Variants in VOPP1 observed in about 807,000 individuals in gnomAD.
VOPP1 encodes the protein WW domain binding protein VOPP1.
In VOPP1, 8 loss-of-function variants were observed where a neutral mutation model predicts 23.5. The ratio of observed to expected loss-of-function variants is 0.34; its 90% CI spans 0.20 to 0.61. The LOEUF is 0.61. VOPP1 is among the 20% of genes least tolerant of loss of function. The pLI is 0.78. For missense variants in VOPP1, 174 were observed against 238.1 expected, an observed-to-expected ratio of 0.73 and a Z score of 1.77; for synonymous variants, 83 against 97.3, an observed-to-expected ratio of 0.85 and a Z score of 0.86.
intron 4 of VOPP1, among the ~76,000 whole-genome samples, chr7:55,489,646 T>C (rs1793419661): frequency 6.6e-6 from 1 of 152,060 alleles, no homozygotes; most frequent in Non-Finnish European, 1.5e-5. Flanking sequence ...AGGTGTGCAG[T>C]AAATATGGGC....
chr7:55,494,160 A>C (rs1793780559), intron 3 of VOPP1, among the ~76,000 whole-genome samples: 1 of 152,190 alleles, frequency 6.6e-6, no homozygotes, highest in Non-Finnish European at 1.5e-5. Flanking sequence ...TGGTGATGTA[A>C]GGCTTAATGT....
intron 4 of VOPP1, among the ~76,000 whole-genome samples, chr7:55,461,202 A>C (rs1213640476): frequency 2.0e-5 from 3 of 152,134 alleles, no homozygotes; most frequent in Admixed American, 6.5e-5. Flanking sequence ...GAAAGGCATA[A>C]GAATGACACA....
chr7:55,517,926 T>C (rs1795574736), intron 2 of VOPP1, among the ~76,000 whole-genome samples: 2 of 152,176 alleles, frequency 1.3e-5, no homozygotes, highest in Non-Finnish European at 2.9e-5. Flanking sequence ...AGCCACCCCA[T>C]GTGTGCTGGC....
intron 2 of VOPP1, among the ~76,000 whole-genome samples, chr7:55,512,704 C>A (rs1013950080): frequency 6.6e-6 from 1 of 152,238 alleles, no homozygotes; most frequent in African/African-American, 2.4e-5. Flanking sequence ...GCTAGGGAAG[C>A]GCCCCCGCCC....
intron 2 of VOPP1, 72 bp downstream of exon 2, chr7:55,521,000 A>G: frequency 6.6e-7 from 1 of 1,504,232 alleles, no homozygotes; most frequent in Non-Finnish European, 9.0e-7. Flanking sequence ...CCACACCCAG[A>G]ACTTTAGCAA....
intron 2 of VOPP1, chr7:55,515,837 C>T (rs532642033): frequency 2.6e-6 from 1 of 382,606 alleles, no homozygotes; most frequent in East Asian, 1.6e-4. Flanking sequence ...TCTTCTCTGA[C>T]AAACGCCACC....
intron 4 of VOPP1, among the ~76,000 whole-genome samples, chr7:55,486,188 A>C (rs118147814): frequency 6.6e-6 from 1 of 152,262 alleles, no homozygotes; most frequent in African/African-American, 2.4e-5. Context: ...ATCAAAGATC[A>C]TAGATGTGCA....
intron 1 of VOPP1, among the ~76,000 whole-genome samples, chr7:55,547,076 T>C (rs571549141): frequency 2.0e-4 from 30 of 152,318 alleles, no homozygotes; most frequent in African/African-American, 6.5e-4. Context: ...CCCTCTGACC[T>C]GGATTTTAGC....
intron 1 of VOPP1, among the ~76,000 whole-genome samples, chr7:55,536,801 T>C (rs576834688): frequency 6.6e-6 from 1 of 152,234 alleles, no homozygotes; most frequent in South Asian, 2.1e-4. Flanking sequence ...AGGCAGCGCA[T>C]CTGCCACACG....
chr7:55,504,327 T>C (rs1448810761), intron 2 of VOPP1, among the ~76,000 whole-genome samples: 1 of 152,222 alleles, frequency 6.6e-6, no homozygotes, highest in Non-Finnish European at 1.5e-5. Flanking sequence ...AGGAAGTACA[T>C]TCAGGCTTAT....
At chr7:55,502,026 T>C (rs905219944) in intron 2 of VOPP1, among the ~76,000 whole-genome samples, 3 of 152,268 alleles carry the variant, frequency 2.0e-5, no homozygotes, top group Non-Finnish European at 4.4e-5. Flanking sequence ...AAAGCAGGTA[T>C]ACACTAATAA....
intron 1 of VOPP1, among the ~76,000 whole-genome samples, chr7:55,527,945 GAA>G (rs10710791): frequency 2.6e-5 from 4 of 151,378 alleles, no homozygotes; most frequent in African/African-American, 9.7e-5. Context: ...GAGCATAAGG[GAA>G]AAAAAAAATC....
In VOPP1 at chr7:55,560,058, C is replaced by G. The variant is rs1055038480; in HGVS notation, c.54+12213G>C. ...GTCCCCGCTACTTGGGAGGCTGAGGCGGGAGAATCACTTGAACCTGGGAGG... is the reference window on the plus strand; with the variant it reads ...GTCCCCGCTACTTGGGAGGCTGAGGGGGGAGAATCACTTGAACCTGGGAGG... On this transcript the variant is annotated intron_variant, in intron 1 of 4. Coordinates refer to ENST00000285279, the MANE Select transcript of VOPP1 (RefSeq NM_030796.5). Among the ~76,000 whole-genome samples, 5 of 152,278 alleles carry G rather than the reference C, an allele frequency of 3.3e-5. No homozygotes were observed. The South Asian group carries it at 1.0e-3, about 32-fold the overall frequency.
chr7:55,494,554 G>A (rs1017594792), intron 3 of VOPP1, among the ~76,000 whole-genome samples: 3 of 152,100 alleles, frequency 2.0e-5, no homozygotes, highest in Admixed American at 6.6e-5. Flanking sequence ...AGGCGAGGCT[G>A]GAATGGAGTT....
At chr7:55,443,094 G>A (rs578246628) in intron 4 of VOPP1, among the ~76,000 whole-genome samples, 108 of 151,874 alleles carry the variant, frequency 7.1e-4, no homozygotes, top group South Asian at 3.8e-3. Context: ...ACTCCAGCCC[G>A]GGTGACAGAG....
chr7:55,564,353 T>C (rs1798093818), intron 1 of VOPP1, among the ~76,000 whole-genome samples: 1 of 151,952 alleles, frequency 6.6e-6, no homozygotes, highest in South Asian at 2.1e-4. Flanking sequence ...TAATGCCATG[T>C]TTTGGCCCTT....
intron 4 of VOPP1, among the ~76,000 whole-genome samples, chr7:55,479,105 A>C (rs563392325): frequency 2.7e-5 from 4 of 150,496 alleles, no homozygotes; most frequent in Admixed American, 2.0e-4. Flanking sequence ...GGTATGTGTT[A>C]CTTGTAGCCA....
At chr7:55,529,471 C>A (rs1341859234) in intron 1 of VOPP1, among the ~76,000 whole-genome samples, 5 of 151,730 alleles carry the variant, frequency 3.3e-5, no homozygotes, top group African/African-American at 1.2e-4. Context: ...CTCATGCCTG[C>A]TGAACAAAAG....
At chr7:55,483,828 A>G (rs549498869) in intron 4 of VOPP1, among the ~76,000 whole-genome samples, 46 of 152,218 alleles carry the variant, frequency 3.0e-4, no homozygotes, top group South Asian at 1.7e-3. Context: ...GTGCGATCAG[A>G]TCATTGCAAC....
Sources: allele counts gnomAD v4.1 joint callset (sites outside exome capture counted in the v4.1 genomes callset), GRCh38; gene constraint gnomAD v4.1.1; transcripts MANE v1.5; gene names NCBI Gene and HGNC (gene_info 2026-07-23, HGNC 2026-07-21).